ACSL3: variants seen among roughly 807,000 people sequenced by gnomAD.
The protein encoded by ACSL3 is fatty acid CoA ligase Acsl3.
In ACSL3, 34 loss-of-function variants were observed where a neutral mutation model predicts 84.7. That is an observed-to-expected ratio of 0.40 (90% confidence interval 0.31 to 0.53). ACSL3 has a LOEUF of 0.53. Ranked by LOEUF, ACSL3 falls within the 20% of genes least tolerant of loss-of-function variation. The probability of loss-of-function intolerance (pLI) is 0.48; values close to 1 mark genes in which losing one functional copy is unlikely to be tolerated. For synonymous variants in ACSL3, 315 were observed against 299.4 expected, an observed-to-expected ratio of 1.05 and a Z score of -0.54; for missense variants, 680 against 873.1, an observed-to-expected ratio of 0.78 and a Z score of 2.79.
At position 222,922,794 on chromosome 2, in the gene ACSL3, G is replaced by T. The variant is rs139999422; in HGVS notation, c.1043G>T (p.Arg348Leu). The T allele has an allele frequency of 6.2e-7, 1 of 1,614,110 alleles. No homozygotes were observed. Among genetic ancestry groups the T allele is most frequent in the South Asian group, 1.1e-5 (1 of 91,082 alleles). ...AELVCLSHGCRIGYSSPQTLA... is the reference protein window; with the variant it reads ...AELVCLSHGCLIGYSSPQTLA... Reference sequence around the variant, plus strand: ...CTTGTCTGTCTTTCTCACGGATGCCGCATTGGTTACTCTTCACCACAGACT... The same window carrying T: ...CTTGTCTGTCTTTCTCACGGATGCCTCATTGGTTACTCTTCACCACAGACT... The change falls in exon 9 of 17, where the codon CGC (arginine) becomes CTC (leucine). Residue 348 changes from arginine to leucine, a missense_variant. By Grantham distance (102) the Arg-to-Leu change is moderately radical. Transcript: ENST00000357430.
intron 2 of ACSL3, among the ~76,000 whole-genome samples, chr2:222,899,886 C>T (rs1488053566): frequency 6.6e-6 from 1 of 152,184 alleles, no homozygotes; most frequent in Non-Finnish European, 1.5e-5. Flanking sequence ...AAGTCTGGAT[C>T]TGTTTTTTAA....
At chr2:222,903,992 C>A (rs1233058220) in intron 3 of ACSL3, among the ~76,000 whole-genome samples, 1 of 152,022 alleles carries the variant, frequency 6.6e-6, no homozygotes, top group Admixed American at 6.6e-5. Flanking sequence ...CAATTATGGT[C>A]GGCTGGGCGC....
intron 6 of ACSL3, 57 bp from the exon 7 acceptor site, chr2:222,919,006 CT>C (rs2106126740): frequency 6.3e-7 from 1 of 1,585,970 alleles, no homozygotes; most frequent in Non-Finnish European, 8.6e-7. Flanking sequence ...AACTAGTATT[CT>C]TATTCGCTAA....
At chr2:222,866,422 G>A (rs1695142452) in intron 1 of ACSL3, among the ~76,000 whole-genome samples, 1 of 152,190 alleles carries the variant, frequency 6.6e-6, no homozygotes, top group Non-Finnish European at 1.5e-5. Context: ...TGGGATTACA[G>A]GCTGGGAGCT....
Position 222,918,125 on chromosome 2 carries a change from T to A in ACSL3, c.636T>A (p.Thr212=), listed in dbSNP as rs973668415. 7 of 1,611,960 alleles carry A rather than the reference T, an allele frequency of 4.3e-6. No homozygotes were observed. Among genetic ancestry groups the A allele is most frequent in the Non-Finnish European group, 5.9e-6 (7 of 1,178,636 alleles). Residue 212 remains threonine (T), a synonymous_variant, in exon 6 of 17, where the codon ACT becomes ACA. Coordinates refer to ENST00000357430, the MANE Select transcript of ACSL3 (RefSeq NM_004457.5). The part of the protein sequence containing the change: ...LNETEVTNII[T]SKELLQTKLK... ...AAACAGAGGTGACCAACATCATTAC[T>A]AGTAAAGAACTCTTACAAACAAAGT... is the stretch of plus-strand genomic sequence containing the variant.
intron 1 of ACSL3, among the ~76,000 whole-genome samples, chr2:222,886,956 G>C (rs550166924): frequency 6.6e-6 from 1 of 152,182 alleles, no homozygotes; most frequent in East Asian, 1.9e-4. Flanking sequence ...GTTTACATTA[G>C]GGTTCACTCT....
intron 16 of ACSL3, among the ~76,000 whole-genome samples, chr2:222,939,641 T>C (rs577727985): frequency 3.9e-5 from 6 of 152,304 alleles, no homozygotes; most frequent in African/African-American, 1.4e-4. Flanking sequence ...CCTATTACTT[T>C]GTACTGTGCT....
chr2:222,922,031 A>G (rs542307825), intron 8 of ACSL3, among the ~76,000 whole-genome samples: 2 of 152,330 alleles, frequency 1.3e-5, no homozygotes, highest in South Asian at 4.1e-4. Flanking sequence ...TTGCTATGGT[A>G]CTGAACTTGG....
intron 1 of ACSL3, among the ~76,000 whole-genome samples, chr2:222,872,741 A>G (rs1201757858): frequency 6.6e-6 from 1 of 151,780 alleles, no homozygotes; most frequent in Non-Finnish European, 1.5e-5. Context: ...GGCTTCTCTG[A>G]GGAAGTGGCA....
At chr2:222,910,075 G>C (rs1696404416) in intron 4 of ACSL3, among the ~76,000 whole-genome samples, 1 of 152,142 alleles carries the variant, frequency 6.6e-6, no homozygotes, top group Non-Finnish European at 1.5e-5. Flanking sequence ...AATGTGCTTA[G>C]AACAATTTGT....
At chr2:222,913,799 T>C (rs995864731) in intron 4 of ACSL3, among the ~76,000 whole-genome samples, 1 of 152,224 alleles carries the variant, frequency 6.6e-6, no homozygotes, top group Non-Finnish European at 1.5e-5. Context: ...TACATGATTT[T>C]GAACAAGTTA....
intron 3 of ACSL3, among the ~76,000 whole-genome samples, chr2:222,907,966 A>T (rs1696338589): frequency 6.6e-6 from 1 of 151,920 alleles, no homozygotes; most frequent in South Asian, 2.1e-4. Flanking sequence ...TCCTCATAAC[A>T]TTTATCACCA....
intron 1 of ACSL3, among the ~76,000 whole-genome samples, chr2:222,876,304 T>A (rs1238881542): frequency 6.6e-6 from 1 of 152,144 alleles, no homozygotes; most frequent in Non-Finnish European, 1.5e-5. Context: ...GCTTTATGGT[T>A]TTTTTTGTTG....
At chr2:222,927,298 C>A in intron 12 of ACSL3, 109 bp downstream of exon 12, 3 of 1,123,124 alleles carry the variant, frequency 2.7e-6, no homozygotes, top group South Asian at 1.8e-5. Context: ...GTTTGTGAGG[C>A]AGAATAATGG....
intron 9 of ACSL3, 78 bp from the exon 10 acceptor site, chr2:222,923,000 G>A: frequency 7.4e-7 from 1 of 1,359,216 alleles, no homozygotes. Flanking sequence ...ATTTATAATA[G>A]GCTTTTTGAT....
chr2:222,928,652 T>A lies in ACSL3; in HGVS notation c.1466-210T>A, dbSNP rs578087933. ...TTTTTAAGAATGACAATAACTAATT[T>A]AAAAAAAAAAAAAAAACCTCAATGT... is the stretch of plus-strand genomic sequence containing the variant. On this transcript the variant is annotated intron_variant, in intron 12 of 16. Coordinates refer to ENST00000357430, the MANE Select transcript of ACSL3 (RefSeq NM_004457.5). 3.7e-3 allele frequency among the ~76,000 whole-genome samples: 505 copies of A among 135,054 alleles called. 2 individuals are homozygous for A. Among genetic ancestry groups the A allele is most frequent in the African/African-American group, 0.012 (441 of 37,560 alleles). 88.6% of individuals were successfully genotyped at this position (135,054 alleles called of 152,430 possible). A position where few individuals can be genotyped will look rare whatever the true frequency, so the allele number is the denominator to read the frequency against.
chr2:222,905,239 A>G (rs1388546623), intron 3 of ACSL3, among the ~76,000 whole-genome samples: 2 of 152,158 alleles, frequency 1.3e-5, no homozygotes, highest in Non-Finnish European at 2.9e-5. Context: ...AGCTCATTGC[A>G]GCCTCGATCT....
At chr2:222,910,719 G>A (rs1334765133) in intron 4 of ACSL3, among the ~76,000 whole-genome samples, 3 of 152,168 alleles carry the variant, frequency 2.0e-5, no homozygotes, top group Non-Finnish European at 2.9e-5. Context: ...GAGTAGTTGT[G>A]TATCTTGTTT....
In ACSL3 at chr2:222,879,374, C is replaced by T. The variant is rs545636071; in HGVS notation, c.-206-8456C>T. ...TTAAATGCTTTACTTGAAAACCGAT[C>T]TCATGCTATCTACAACATTTTCATT... On this transcript the variant is annotated intron_variant, in intron 1 of 16. Coordinates refer to ENST00000357430, the MANE Select transcript of ACSL3 (RefSeq NM_004457.5). Among the ~76,000 whole-genome samples, 25 of 152,042 alleles carry T rather than the reference C, an allele frequency of 1.6e-4. 1 individual carries two copies. The South Asian group carries it at 4.4e-3, about 27-fold the overall frequency.
Sources: gnomAD v4.1 joint callset for allele counts (sites outside exome capture counted in the v4.1 genomes callset) on GRCh38, gnomAD v4.1.1 for gene constraint, MANE v1.5 for transcripts, NCBI Gene and HGNC (gene_info 2026-07-23, HGNC 2026-07-21) for gene names.